Variants in NCOA1 observed in about 807,000 individuals in gnomAD.
The protein encoded by NCOA1 is Hin-2 protein.
In NCOA1, 35 loss-of-function variants were observed where a neutral mutation model predicts 150.9. That is an observed-to-expected ratio of 0.23 (90% confidence interval 0.18 to 0.31). The LOEUF is 0.31. Among genes scored for constraint, NCOA1 ranks in the 10% least tolerant of loss-of-function variants. The probability of loss-of-function intolerance (pLI) is 1.00; values close to 1 mark genes in which losing one functional copy is unlikely to be tolerated. For synonymous variants in NCOA1, 590 were observed against 630.0 expected, an observed-to-expected ratio of 0.94 and a Z score of 0.95; for missense variants, 1,491 against 1,749.3, an observed-to-expected ratio of 0.85 and a Z score of 2.63.
chr2:24,648,606 C>G (rs80326992), intron 4 of NCOA1, among the ~76,000 whole-genome samples: 6,419 of 152,170 alleles, frequency 0.042, 203 homozygotes, highest in African/African-American at 0.092. Flanking sequence ...CTTTCCCTTT[C>G]AGGTTGGGAG....
At chr2:24,726,474 C>T (rs1674628220) in intron 14 of NCOA1, 115 bp from the exon 15 acceptor site, 2 of 583,238 alleles carry the variant, frequency 3.4e-6, no homozygotes, top group African/African-American at 1.9e-5. Flanking sequence ...ACCTTTGTAT[C>T]ATTGAAGTAA....
At chr2:24,617,500 CT>C (rs763215162) in intron 3 of NCOA1, among the ~76,000 whole-genome samples, 28 of 152,138 alleles carry the variant, frequency 1.8e-4, no homozygotes, top group Non-Finnish European at 3.4e-4. Context: ...TGTTGGTCAT[CT>C]CATACACTCC....
intron 5 of NCOA1, among the ~76,000 whole-genome samples, chr2:24,665,431 A>G (rs1435917108): frequency 6.6e-6 from 1 of 152,162 alleles, no homozygotes; most frequent in African/African-American, 2.4e-5. Context: ...TCCAAATGTA[A>G]CTGCTGTGTT....
chr2:24,567,012 C>G (rs916489495), intron 2 of NCOA1, among the ~76,000 whole-genome samples: 3 of 152,226 alleles, frequency 2.0e-5, no homozygotes, highest in Non-Finnish European at 1.5e-5. Flanking sequence ...CTCCCAGCCC[C>G]TGCTGGCTCA....
chr2:24,530,969 G>A (rs750369989), intron 1 of NCOA1, among the ~76,000 whole-genome samples: 1 of 152,180 alleles, frequency 6.6e-6, no homozygotes, highest in Non-Finnish European at 1.5e-5. Flanking sequence ...AGCATTCTGA[G>A]TGTTAAAGTG....
intron 1 of NCOA1, among the ~76,000 whole-genome samples, chr2:24,516,479 A>C (rs1201336294): frequency 6.7e-6 from 1 of 149,664 alleles, no homozygotes; most frequent in Non-Finnish European, 1.5e-5. Flanking sequence ...GGCATGAGCC[A>C]CCGTGCCCGG....
At chr2:24,659,547 T>G (rs1339582159) in intron 5 of NCOA1, among the ~76,000 whole-genome samples, 4 of 152,174 alleles carry the variant, frequency 2.6e-5, no homozygotes, top group African/African-American at 9.7e-5. Context: ...TTGCATTACA[T>G]GAATATACCA....
chr2:24,719,652 C>CA (rs1435076757), intron 14 of NCOA1, among the ~76,000 whole-genome samples: 1 of 152,072 alleles, frequency 6.6e-6, no homozygotes, highest in Non-Finnish European at 1.5e-5. Flanking sequence ...CCAAAAGAGA[C>CA]AAAACCAAAA....
intron 7 of NCOA1, among the ~76,000 whole-genome samples, chr2:24,675,746 A>G (rs1301682877): frequency 6.6e-6 from 1 of 152,152 alleles, no homozygotes; most frequent in Non-Finnish European, 1.5e-5. Flanking sequence ...TTAGCCAGGC[A>G]TGGTGGTGAG....
chr2:24,645,767 G>A (rs1227834291), intron 4 of NCOA1, among the ~76,000 whole-genome samples: 1 of 152,078 alleles, frequency 6.6e-6, no homozygotes, highest in Non-Finnish European at 1.5e-5. Flanking sequence ...GGAGCATATC[G>A]GATTTTGGAC....
chr2:24,622,570 C>G (rs990907344), intron 3 of NCOA1, among the ~76,000 whole-genome samples: 1 of 152,106 alleles, frequency 6.6e-6, no homozygotes, highest in African/African-American at 2.4e-5. Context: ...AAGGATATAC[C>G]AATTTCTATT....
At chr2:24,642,335 ATT>A (rs1491475105) in intron 3 of NCOA1, among the ~76,000 whole-genome samples, 168 of 144,848 alleles carry the variant, frequency 1.2e-3, no homozygotes, top group African/African-American at 3.8e-3. Context: ...ATATATATAT[ATT>A]TTTTAAAATC....
chr2:24,607,912 C>T (rs1668444538), intron 3 of NCOA1, among the ~76,000 whole-genome samples: 1 of 151,954 alleles, frequency 6.6e-6, no homozygotes, highest in Non-Finnish European at 1.5e-5. Flanking sequence ...TTTTTGCCTA[C>T]CTGTATTTTC....
chr2:24,592,402 A>C (rs963729435), intron 3 of NCOA1, among the ~76,000 whole-genome samples: 6 of 152,058 alleles, frequency 3.9e-5, no homozygotes, highest in African/African-American at 1.4e-4. Context: ...GCAAGGTAAA[A>C]TGATCCCTTG....
intron 20 of NCOA1, among the ~76,000 whole-genome samples, chr2:24,755,862 C>T (rs1664470896): frequency 6.6e-6 from 1 of 152,114 alleles, no homozygotes; most frequent in Non-Finnish European, 1.5e-5. Context: ...ACTTACATAG[C>T]CTTGCTCCTC....
chr2:24,762,139 A>C (rs757270383), intron 21 of NCOA1, among the ~76,000 whole-genome samples: 1 of 152,126 alleles, frequency 6.6e-6, no homozygotes, highest in African/African-American at 2.4e-5. Context: ...CCGGAAATAC[A>C]CTCCAGGCAG....
chr2:24,722,413 C>G, intron 14 of NCOA1, among the ~76,000 whole-genome samples: 1 of 152,176 alleles, frequency 6.6e-6, no homozygotes, highest in East Asian at 1.9e-4. Flanking sequence ...CTTCAAATCC[C>G]TATTGTTTGA....
intron 1 of NCOA1, 74 bp from the exon 2 acceptor site, chr2:24,564,221 C>T (rs973731554): frequency 6.6e-6 from 1 of 152,154 alleles, no homozygotes; most frequent in African/African-American, 2.4e-5. Flanking sequence ...TGCTTACAAA[C>T]AGTGGTGTGT....
intron 1 of NCOA1, among the ~76,000 whole-genome samples, chr2:24,558,161 A>C (rs1235366781): frequency 6.6e-6 from 1 of 151,522 alleles, no homozygotes; most frequent in Non-Finnish European, 1.5e-5. Context: ...CACTCTTTTT[A>C]ACTTTGGTTT....
Sources: gnomAD v4.1 joint callset for allele counts (sites outside exome capture counted in the v4.1 genomes callset) on GRCh38, gnomAD v4.1.1 for gene constraint, MANE v1.5 for transcripts, NCBI Gene and HGNC (gene_info 2026-07-23, HGNC 2026-07-21) for gene names.